USP42: variants seen among roughly 807,000 people sequenced by gnomAD.
The protein encoded by USP42 is ubiquitin carboxyl-terminal hydrolase 42.
In USP42, 23 loss-of-function variants were observed where a neutral mutation model predicts 113.0. That is an observed-to-expected ratio of 0.20 (90% confidence interval 0.15 to 0.29). The LOEUF (loss-of-function observed/expected upper bound fraction) is 0.29. USP42 is among the 10% of genes least tolerant of loss of function. USP42 has a pLI of 1.00. For missense variants in USP42, 2,174 were observed against 1,779.8 expected (o/e 1.22, Z -3.99); for synonymous variants, 933 against 699.0 (o/e 1.33, Z -5.28).
At position 6,158,237 on chromosome 7, in the gene USP42, G is replaced by A. The variant is rs529269019; in HGVS notation, c.3943+1182G>A. ...GCTGTCTGGCGGCTTCGCTGTCACTGCCTGGCAGAGGTGAGTGGCTGCGGC... is the reference window on the plus strand; with the variant it reads ...GCTGTCTGGCGGCTTCGCTGTCACTACCTGGCAGAGGTGAGTGGCTGCGGC... On this transcript the variant is annotated intron_variant, in intron 16 of 17. Coordinates refer to ENST00000306177, the MANE Select transcript of USP42 (RefSeq NM_032172.3). This position sits in a 1 kb window ranked among gnomAD's most constrained non-coding sequence, Gnocchi z 4.2. Among the ~76,000 whole-genome samples the A allele has an allele frequency of 9.8e-5, 15 of 152,378 alleles. No homozygotes were observed. The highest frequency in any genetic ancestry group is 3.6e-4 in the African/African-American group (15 of 41,590).
chr7:6,142,159 T>G (rs1213870909), intron 7 of USP42, among the ~76,000 whole-genome samples: 1 of 152,226 alleles, frequency 6.6e-6, no homozygotes, highest in Non-Finnish European at 1.5e-5. Context: ...AGGATATAAT[T>G]TGGTATGTAG....
chr7:6,099,524 T>C, the USP42 span, among the ~76,000 whole-genome samples: 3 of 150,834 alleles, frequency 2.0e-5, no homozygotes, highest in East Asian at 3.9e-4. Flanking sequence ...AATTTTTGTA[T>C]TTTTAGTAGA....
chr7:6,107,902 A>G (rs1174618981), intron 1 of USP42, among the ~76,000 whole-genome samples: 1 of 152,164 alleles, frequency 6.6e-6, no homozygotes, highest in East Asian at 1.9e-4. Flanking sequence ...GAAATTGACA[A>G]ACATCTTTTC....
intron 8 of USP42, among the ~76,000 whole-genome samples, chr7:6,143,377 C>T (rs1006871135): frequency 6.6e-6 from 1 of 152,082 alleles, no homozygotes; most frequent in East Asian, 1.9e-4. Context: ...GGGCTGCCGT[C>T]GGGTGGGGAG....
upstream of USP42, among the ~76,000 whole-genome samples, chr7:6,104,099 G>A (rs1779112267): frequency 1.3e-5 from 2 of 151,266 alleles, no homozygotes; most frequent in South Asian, 4.1e-4. Flanking sequence ...TTTTGAGACA[G>A]ACTCTCGCTC....
intron 2 of USP42, among the ~76,000 whole-genome samples, chr7:6,114,942 A>T (rs1779833519): frequency 6.6e-6 from 1 of 151,768 alleles, no homozygotes; most frequent in Non-Finnish European, 1.5e-5. Context: ...CGCCTGCCTC[A>T]GCCTCCCAAA....
At chr7:6,151,326 C>G (rs1159194626) in intron 14 of USP42, among the ~76,000 whole-genome samples, 1 of 152,226 alleles carries the variant, frequency 6.6e-6, no homozygotes, top group East Asian at 1.9e-4. Flanking sequence ...CACACCTTAG[C>G]TTACTGTAAC....
At chr7:6,104,127 G>A (rs931780634), upstream of USP42, among the ~76,000 whole-genome samples, 3 of 151,286 alleles carry the variant, frequency 2.0e-5, no homozygotes, top group Non-Finnish European at 4.4e-5. Context: ...CAGGCTGGAG[G>A]GCTGCAGTGC....
At chr7:6,145,379 A>T (rs1781661630) in intron 9 of USP42, 137 bp from the exon 10 acceptor site, 2 of 956,792 alleles carry the variant, frequency 2.1e-6, no homozygotes, top group Non-Finnish European at 3.1e-6. Context: ...TAAATGCATT[A>T]GGTTTTTGCT....
At chr7:6,094,619 A>C in the USP42 span, among the ~76,000 whole-genome samples, 9 of 151,240 alleles carry the variant, frequency 6.0e-5, 1 homozygote, top group African/African-American at 2.0e-4. Flanking sequence ...TGGTTCATCC[A>C]GTTTTTGCAG....
At chr7:6,082,263 G>C in the USP42 span, among the ~76,000 whole-genome samples, 1 of 151,792 alleles carries the variant, frequency 6.6e-6, no homozygotes, top group Non-Finnish European at 1.5e-5. Context: ...CGAGTAGCTG[G>C]GACTACAGGT....
chr7:6,103,378 T>C (rs1378777760), upstream of USP42, among the ~76,000 whole-genome samples: 1 of 150,032 alleles, frequency 6.7e-6, no homozygotes, highest in Non-Finnish European at 1.5e-5. Context: ...CTCTACAAAA[T>C]ACAAAAAATT....
At chr7:6,145,470 G>T in intron 9 of USP42, 46 bp from the exon 10 acceptor site, 1 of 1,612,318 alleles carries the variant, frequency 6.2e-7, no homozygotes, top group South Asian at 1.1e-5. Flanking sequence ...TATGTGGAAT[G>T]ATCTGTGCCC....
At position 6,161,179 on chromosome 7, in the gene USP42, T is replaced by A. The variant is rs866851272; in HGVS notation, c.*661T>A. ...GAATGTATAACCCAGACATGATTTG[T>A]AAAGCCGACAGTATGTTTCTATTAC... On this transcript the variant is annotated 3_prime_UTR_variant, in exon 18 of 18. Coordinates refer to ENST00000306177, the MANE Select transcript of USP42 (RefSeq NM_032172.3). The A allele has an allele frequency of 5.2e-5, 8 of 152,824 alleles. No individual in the cohort carries two copies. Among genetic ancestry groups the A allele is most frequent in the Middle Eastern group, 3.4e-3 (1 of 294 alleles). The allele number at this position is 152,824 out of a possible 1,614,324, so 9.5% of individuals were successfully genotyped here. A position where few individuals can be genotyped will look rare whatever the true frequency, so the allele number is the denominator to read the frequency against.
intron 1 of USP42, among the ~76,000 whole-genome samples, chr7:6,109,971 G>C (rs1204450191): frequency 1.3e-5 from 2 of 151,820 alleles, no homozygotes; most frequent in Non-Finnish European, 2.9e-5. Flanking sequence ...AAAATGCTGG[G>C]ATTACAGGTG....
At chr7:6,121,072 C>T (rs1000393280) in intron 3 of USP42, among the ~76,000 whole-genome samples, 1 of 151,624 alleles carries the variant, frequency 6.6e-6, no homozygotes, top group Admixed American at 6.6e-5. Flanking sequence ...ATAGACGCAA[C>T]TATGTGATAC....
In USP42 at chr7:6,161,473, C is replaced by CTT. The variant is rs1199015361; in HGVS notation, c.*957_*958dup. 1 of 152,522 alleles carries CTT rather than the reference C, an allele frequency of 6.6e-6. No individual in the cohort carries two copies. The highest frequency in any genetic ancestry group is 1.5e-5 in the Non-Finnish European group (1 of 68,018). 9.4% of individuals were successfully genotyped at this position (152,522 alleles called of 1,614,324 possible). A position where few individuals can be genotyped will look rare whatever the true frequency, so the allele number is the denominator to read the frequency against. ...TGTTCAGAGATGTTTAAAGTTTGAT[C>CTT]TTTGTTTTTCTAAAGATTAAAAAAG... On this transcript the variant is annotated 3_prime_UTR_variant, in exon 18 of 18. Transcript: ENST00000306177.
At chr7:6,143,972 C>T in intron 8 of USP42, 113 bp from the exon 9 acceptor site, 1 of 606,696 alleles carries the variant, frequency 1.6e-6, no homozygotes. Flanking sequence ...ATCCAGTGTC[C>T]TTTTTGGAAC....
At chr7:6,122,524 C>G (rs1282549270) in intron 3 of USP42, among the ~76,000 whole-genome samples, 1 of 152,082 alleles carries the variant, frequency 6.6e-6, no homozygotes, top group Non-Finnish European at 1.5e-5. Context: ...CGCTGGAGTG[C>G]AGTAGTGTGA....
Sources: allele counts gnomAD v4.1 joint callset (sites outside exome capture counted in the v4.1 genomes callset), GRCh38; gene constraint gnomAD v4.1.1; non-coding constraint Gnocchi (gnomAD v3.1); transcripts MANE v1.5; gene names NCBI Gene and HGNC (gene_info 2026-07-23, HGNC 2026-07-21).